Variants in SHISA6 observed in about 807,000 individuals in gnomAD.
SHISA6 encodes shisa family member 6, also known as protein shisa-6.
Under a neutral mutation model 47.9 loss-of-function variants are expected in SHISA6, and 22 were observed. The observed-to-expected ratio is 0.46, with a 90% confidence interval of 0.33 to 0.66. SHISA6 has a LOEUF of 0.66. Among genes scored for constraint, SHISA6 ranks in the 30% least tolerant of loss-of-function variants. The pLI is 0.02. For synonymous variants in SHISA6, 388 were observed against 337.8 expected (o/e 1.15, Z -1.63); for missense variants, 680 against 764.6 (o/e 0.89, Z 1.30).
intron 3 of SHISA6, among the ~76,000 whole-genome samples, chr17:11,393,013 G>A (rs556690705): frequency 3.0e-4 from 46 of 152,346 alleles, no homozygotes; most frequent in African/African-American, 6.7e-4. Flanking sequence ...GGGAAGCCTC[G>A]CTCTTGAGCA....
intron 2 of SHISA6, chr17:11,290,169 G>A (rs1909471326): frequency 6.6e-6 from 1 of 151,994 alleles, no homozygotes; most frequent in South Asian, 2.1e-4. Context: ...ATTTTAGGTA[G>A]ATTTTGTGAC....
chr17:11,296,600 G>A (rs1479463904), intron 2 of SHISA6, among the ~76,000 whole-genome samples: 5 of 152,130 alleles, frequency 3.3e-5, no homozygotes, highest in Non-Finnish European at 5.9e-5. Flanking sequence ...AGGAGACATT[G>A]CTTACCTATA....
chr17:11,342,402 G>A (rs1911564222), intron 2 of SHISA6, among the ~76,000 whole-genome samples: 1 of 151,942 alleles, frequency 6.6e-6, no homozygotes, highest in Admixed American at 6.6e-5. Flanking sequence ...GCCAGACCAG[G>A]CCCAAGCTGG....
At chr17:11,396,700 C>T (rs1376143707) in intron 3 of SHISA6, among the ~76,000 whole-genome samples, 2 of 152,082 alleles carry the variant, frequency 1.3e-5, no homozygotes, top group Non-Finnish European at 2.9e-5. Context: ...AATGAGAACA[C>T]ATGGACACAG....
chr17:11,516,265 G>A (rs1449709136), intron 3 of SHISA6, among the ~76,000 whole-genome samples: 3 of 152,164 alleles, frequency 2.0e-5, no homozygotes, highest in Non-Finnish European at 1.5e-5. Context: ...CTGCCTAACC[G>A]TTGGGGGCAG....
intron 3 of SHISA6, among the ~76,000 whole-genome samples, chr17:11,491,291 A>G (rs1916469532): frequency 6.6e-6 from 1 of 152,024 alleles, no homozygotes; most frequent in East Asian, 1.9e-4. Flanking sequence ...CTAGAGAGGG[A>G]AAGAATTTTT....
At chr17:11,504,092 G>C (rs1430031940) in intron 3 of SHISA6, among the ~76,000 whole-genome samples, 2 of 152,170 alleles carry the variant, frequency 1.3e-5, no homozygotes, top group African/African-American at 2.4e-5. Flanking sequence ...TATATAAAAT[G>C]ACTTCTTGAT....
rs10578711 is a variant in SHISA6 at position 11,548,440 on chromosome 17, CATATAT to C, written c.896-3442_896-3437del. 2.3e-4 allele frequency among the ~76,000 whole-genome samples: 34 copies of C among 148,638 alleles called. No individual in the cohort carries two copies. In the East Asian group the frequency reaches 6.1e-3, roughly 27 times the overall value. On this transcript the variant is annotated intron_variant, in intron 3 of 5. Coordinates refer to ENST00000441885, the MANE Select transcript of SHISA6 (RefSeq NM_207386.4). ...AAATGTTATTTATGAATGCATATTT[CATATAT>C]ATATATATATATACATATATCACAA...
Position 11,373,686 on chromosome 17 carries a change from A to G in SHISA6, c.800-5728A>G, listed in dbSNP as rs144064682. Among the ~76,000 whole-genome samples, 11 of 152,258 alleles carry G rather than the reference A, an allele frequency of 7.2e-5. No individual in the cohort carries two copies. The East Asian group carries it at 1.4e-3, about 19-fold the overall frequency. ...TTGTTTGCTTTGTGCATTCATCATT[A>G]TGACTGAGAACCATCCATGCTGATA... On this transcript the variant is annotated intron_variant, in intron 2 of 5. Transcript: ENST00000441885.
At chr17:11,313,436 A>G (rs149634996) in intron 2 of SHISA6, among the ~76,000 whole-genome samples, 2,219 of 152,304 alleles carry the variant, frequency 0.015, 54 homozygotes, top group Admixed American at 0.058. Context: ...AAGGATAGAA[A>G]AGCGAACAAG....
chr17:11,260,437 A>AGTCCCT (rs1908185949), intron 1 of SHISA6, among the ~76,000 whole-genome samples: 2 of 151,948 alleles, frequency 1.3e-5, no homozygotes, highest in Non-Finnish European at 2.9e-5. Context: ...GGCCCTGCTG[A>AGTCCCT]CAGCCTGTCG....
intron 3 of SHISA6, among the ~76,000 whole-genome samples, chr17:11,393,624 T>A (rs1913465424): frequency 6.6e-6 from 1 of 152,194 alleles, no homozygotes; most frequent in Admixed American, 6.5e-5. Context: ...ATATATATAT[T>A]AACCCTAACT....
At chr17:11,347,809 G>A (rs1911751018) in intron 2 of SHISA6, among the ~76,000 whole-genome samples, 1 of 152,118 alleles carries the variant, frequency 6.6e-6, no homozygotes, top group South Asian at 2.1e-4. Context: ...CTTTTCTCTG[G>A]GAGCCCTGCT....
At chr17:11,541,611 C>G (rs1246369952) in intron 3 of SHISA6, among the ~76,000 whole-genome samples, 1 of 152,200 alleles carries the variant, frequency 6.6e-6, no homozygotes, top group East Asian at 1.9e-4. Flanking sequence ...TCATCCCAGA[C>G]AATATTCTAA....
At position 11,311,106 on chromosome 17, in the gene SHISA6, CAAAAAAAAAA is replaced by C. The variant is rs71139101; in HGVS notation, c.799+47597_799+47606del. Among the ~76,000 whole-genome samples the C allele has an allele frequency of 6.2e-5, 3 of 48,558 alleles. No homozygotes were observed. The East Asian group carries it at 2.3e-3, about 38-fold the overall frequency. The allele number at this position is 48,558 out of a possible 152,430, so 31.9% of individuals were successfully genotyped here. A position where few individuals can be genotyped will look rare whatever the true frequency, so the allele number is the denominator to read the frequency against. On this transcript the variant is annotated intron_variant, in intron 2 of 5. Coordinates refer to ENST00000441885, the MANE Select transcript of SHISA6 (RefSeq NM_207386.4). ...TGGGTGACTGAGCGAGACTCCATCTCAAAAAAAAAAAAAAAAAAAAAAAAAATTAGCCGGG... is the reference window on the plus strand; with the variant it reads ...TGGGTGACTGAGCGAGACTCCATCTCAAAAAAAAAAAAAAAATTAGCCGGG...
intron 3 of SHISA6, among the ~76,000 whole-genome samples, chr17:11,430,223 T>A (rs888482646): frequency 1.3e-5 from 2 of 152,208 alleles, no homozygotes; most frequent in African/African-American, 4.8e-5. Flanking sequence ...ACGTTTCTGG[T>A]TCTCCCCACT....
intron 2 of SHISA6, among the ~76,000 whole-genome samples, chr17:11,275,257 T>A (rs930437777): frequency 7.2e-5 from 11 of 151,790 alleles, no homozygotes; most frequent in African/African-American, 2.7e-4. Context: ...GCTCAGTTGT[T>A]CTAATGGCGT....
intron 3 of SHISA6, among the ~76,000 whole-genome samples, chr17:11,402,787 C>G (rs777503075): frequency 6.6e-6 from 1 of 152,204 alleles, no homozygotes; most frequent in African/African-American, 2.4e-5. Context: ...TACATCACTT[C>G]CTTGTGGAAA....
At chr17:11,352,685 G>A (rs961220396) in intron 2 of SHISA6, among the ~76,000 whole-genome samples, 3 of 152,166 alleles carry the variant, frequency 2.0e-5, no homozygotes, top group Admixed American at 6.5e-5. Context: ...TGTCTCCCTG[G>A]GGCTGAGCAT....
Sources: allele counts gnomAD v4.1 joint callset (sites outside exome capture counted in the v4.1 genomes callset), GRCh38; gene constraint gnomAD v4.1.1; transcripts MANE v1.5; gene names NCBI Gene and HGNC (gene_info 2026-07-23, HGNC 2026-07-21).